The following CYP7B1 variants were observed in gnomAD, a reference collection of about 807,000 sequenced individuals.
The protein encoded by CYP7B1 is cytochrome P450 family 7 subfamily B member 1.
Under a neutral mutation model 42.7 loss-of-function variants are expected in CYP7B1, and 29 were observed. The observed-to-expected ratio is 0.68, with a 90% CI of 0.51 to 0.93. The LOEUF is 0.93. CYP7B1 is among the 40% of genes least tolerant of loss of function. The pLI is 0.00. For synonymous variants in CYP7B1, 235 were observed against 218.2 expected, an observed-to-expected ratio of 1.08 and a Z score of -0.68; for missense variants, 655 against 600.5, an observed-to-expected ratio of 1.09 and a Z score of -0.95.
chr8:64,724,087 G>A (rs76729862), intron 1 of CYP7B1, among the ~76,000 whole-genome samples: 2,226 of 151,906 alleles, frequency 0.015, 61 homozygotes, highest in African/African-American at 0.05. Context: ...GCATAGAAAG[G>A]AACGGGGTTG....
At chr8:64,757,451 G>A (rs982779278) in intron 1 of CYP7B1, among the ~76,000 whole-genome samples, 2 of 152,146 alleles carry the variant, frequency 1.3e-5, no homozygotes, top group African/African-American at 4.8e-5. Flanking sequence ...TAGTGAGAGG[G>A]AAAGTTCAGA....
At chr8:64,733,593 C>G (rs915235558) in intron 1 of CYP7B1, among the ~76,000 whole-genome samples, 1 of 152,134 alleles carries the variant, frequency 6.6e-6, no homozygotes, top group Non-Finnish European at 1.5e-5. Context: ...ACCTAGAAAG[C>G]CAGCCTTTGT....
intron 1 of CYP7B1, among the ~76,000 whole-genome samples, chr8:64,744,619 C>T (rs536968950): frequency 6.6e-6 from 1 of 152,270 alleles, no homozygotes; most frequent in South Asian, 2.1e-4. Context: ...TGGCCCCTTA[C>T]ATTTGACAGT....
At chr8:64,715,662 A>G (rs1346604270) in intron 1 of CYP7B1, among the ~76,000 whole-genome samples, 1 of 140,580 alleles carries the variant, frequency 7.1e-6, no homozygotes. Flanking sequence ...CAACAGAGGG[A>G]AAATGGGAAA....
chr8:64,596,363 G>A lies in CYP7B1; in HGVS notation c.*279C>T. The A allele has an allele frequency of 3.1e-6, 1 of 319,334 alleles. No individual in the cohort carries two copies. The highest frequency in any genetic ancestry group is 6.0e-6 in the Non-Finnish European group (1 of 168,042). 19.8% of individuals were successfully genotyped at this position (319,334 alleles called of 1,614,324 possible). A position where few individuals can be genotyped will look rare whatever the true frequency, so the allele number is the denominator to read the frequency against. On this transcript the variant is annotated 3_prime_UTR_variant, in exon 6 of 6. Coordinates refer to ENST00000310193, the MANE Select transcript of CYP7B1 (RefSeq NM_004820.5). ...GTGTGAAGGTACATTTATTATAACAGGTGAAAATCACAACAAGGAGAAACT... is the reference window on the plus strand; with the variant it reads ...GTGTGAAGGTACATTTATTATAACAAGTGAAAATCACAACAAGGAGAAACT...
At chr8:64,719,164 T>C (rs534646155) in intron 1 of CYP7B1, among the ~76,000 whole-genome samples, 3 of 152,198 alleles carry the variant, frequency 2.0e-5, no homozygotes, top group Admixed American at 6.5e-5. Context: ...ATGACCAACC[T>C]ACATTTATGA....
At chr8:64,747,915 T>A (rs1053097286) in intron 1 of CYP7B1, among the ~76,000 whole-genome samples, 1 of 151,968 alleles carries the variant, frequency 6.6e-6, no homozygotes, top group Non-Finnish European at 1.5e-5. Context: ...AGTCACCCAA[T>A]GGGTAAGGCT....
At chr8:64,639,968 G>A (rs1207948610) in intron 1 of CYP7B1, among the ~76,000 whole-genome samples, 1 of 151,850 alleles carries the variant, frequency 6.6e-6, no homozygotes, top group Non-Finnish European at 1.5e-5. Flanking sequence ...AAAAGAAATG[G>A]AATAAAAGAA....
intron 2 of CYP7B1, among the ~76,000 whole-genome samples, chr8:64,623,813 C>G (rs1259150861): frequency 2.0e-5 from 3 of 152,096 alleles, no homozygotes; most frequent in African/African-American, 7.2e-5. Flanking sequence ...TAGAAGAGTA[C>G]AGCTACTCCA....
chr8:64,669,928 A>G (rs1206534108), intron 1 of CYP7B1, among the ~76,000 whole-genome samples: 1 of 152,214 alleles, frequency 6.6e-6, no homozygotes, highest in Admixed American at 6.5e-5. Context: ...CTGTACTCTA[A>G]GCCTTACTCT....
chr8:64,724,348 T>C (rs549181906), intron 1 of CYP7B1, among the ~76,000 whole-genome samples: 22 of 152,062 alleles, frequency 1.4e-4, no homozygotes, highest in Non-Finnish European at 2.6e-4. Flanking sequence ...GGTTTCACCA[T>C]GTTGGCCAGG....
intron 1 of CYP7B1, among the ~76,000 whole-genome samples, chr8:64,649,505 T>C (rs1806007699): frequency 6.6e-6 from 1 of 152,244 alleles, no homozygotes. Context: ...TTGTGAATAA[T>C]GCTGCAGTGA....
chr8:64,623,659 T>C (rs1805564092), intron 2 of CYP7B1, among the ~76,000 whole-genome samples: 1 of 152,222 alleles, frequency 6.6e-6, no homozygotes, highest in South Asian at 2.1e-4. Flanking sequence ...TGTTTTTTTC[T>C]TCATTTTTCT....
In CYP7B1 at chr8:64,615,923, G is replaced by C; in HGVS notation, c.618C>G (p.Asn206Lys). Reference sequence around the variant, plus strand: ...CATCTCTTAGCTCACTAATAAATTTGTTGTTGTCACAAACAATAACTTTTC... The same window carrying C: ...CATCTCTTAGCTCACTAATAAATTTCTTGTTGTCACAAACAATAACTTTTC... ...IYGKVIVCDNNKFISELRDDF... is the reference protein window; with the variant it reads ...IYGKVIVCDNKKFISELRDDF... The change falls in exon 3 of 6, where the codon AAC becomes AAG. Residue 206 changes from asparagine to lysine, a missense_variant. Coordinates refer to ENST00000310193, the MANE Select transcript of CYP7B1 (RefSeq NM_004820.5). 6.2e-7 allele frequency: 1 copy of C among 1,613,450 alleles called. No individual in the cohort carries two copies. The highest frequency in any genetic ancestry group is 8.5e-7 in the Non-Finnish European group (1 of 1,179,716).
rs1274900026 is a variant in CYP7B1 at position 64,615,729 on chromosome 8, A to G, written c.812T>C (p.Leu271Pro). Residue 271 changes from leucine to proline, a missense_variant, in exon 3 of 6, where the codon CTG becomes CCG. Coordinates refer to ENST00000310193, the MANE Select transcript of CYP7B1 (RefSeq NM_004820.5). ...SEVFQSRQDV[L>P]EKYYVHEDLE... ...GTCCTCGTGCACATAATATTTCTCC[A>G]GGACATCTTGCCTGCTTTGAAAAAC... The G allele has an allele frequency of 6.2e-7, 1 of 1,613,760 alleles. No individual in the cohort carries two copies.
At chr8:64,664,350 T>C (rs1248906617) in intron 1 of CYP7B1, among the ~76,000 whole-genome samples, 2 of 152,222 alleles carry the variant, frequency 1.3e-5, no homozygotes, top group Non-Finnish European at 2.9e-5. Flanking sequence ...TCAATTTTAA[T>C]AATAATAGCT....
chr8:64,649,953 A>T (rs1461946596), intron 1 of CYP7B1, among the ~76,000 whole-genome samples: 2 of 152,172 alleles, frequency 1.3e-5, no homozygotes, highest in Non-Finnish European at 2.9e-5. Flanking sequence ...TATATCCTAG[A>T]TATTAACACA....
intron 1 of CYP7B1, among the ~76,000 whole-genome samples, chr8:64,737,877 G>A (rs1432061787): frequency 6.6e-6 from 1 of 152,176 alleles, no homozygotes; most frequent in Admixed American, 6.5e-5. Context: ...AGCAGTAACT[G>A]GGAATTTGGT....
chr8:64,730,567 G>T (rs969790908), intron 1 of CYP7B1, among the ~76,000 whole-genome samples: 2 of 152,102 alleles, frequency 1.3e-5, no homozygotes, highest in African/African-American at 4.8e-5. Flanking sequence ...ATGAGTACCT[G>T]TTATCTACCT....
Sources: allele counts gnomAD v4.1 joint callset (sites outside exome capture counted in the v4.1 genomes callset), GRCh38; gene constraint gnomAD v4.1.1; transcripts MANE v1.5; gene names NCBI Gene and HGNC (gene_info 2026-07-23, HGNC 2026-07-21).